RIT2: variants seen among roughly 807,000 people sequenced by gnomAD.
The protein encoded by RIT2 is Ras like without CAAX 2, also known as GTP-binding protein Rit2.
In RIT2, 24 loss-of-function variants were observed where a neutral mutation model predicts 23.7. The ratio of observed to expected loss-of-function variants is 1.01; its 90% CI spans 0.73 to 1.43. The LOEUF (loss-of-function observed/expected upper bound fraction) is 1.43, where lower values mean the gene tolerates loss of function less well. RIT2 is among the 40% of genes most tolerant of loss of function. The pLI, the probability that RIT2 is intolerant of heterozygous loss-of-function variation, is 0.00. For synonymous variants in RIT2, 107 were observed against 91.1 expected (o/e 1.17, Z -0.99); for missense variants, 236 against 266.9 (o/e 0.88, Z 0.81).
intron 1 of RIT2, among the ~76,000 whole-genome samples, chr18:43,108,673 A>G (rs777339885): frequency 2.0e-5 from 3 of 152,192 alleles, no homozygotes; most frequent in South Asian, 4.1e-4. Context: ...GATGTTGTCA[A>G]TCAAAGCCTT....
intron 3 of RIT2, among the ~76,000 whole-genome samples, chr18:42,953,233 T>A (rs916521444): frequency 2.0e-5 from 3 of 152,176 alleles, no homozygotes. Context: ...TATGCTGACA[T>A]TCTGCCATGT....
At chr18:42,824,828 A>G (rs1177279198) in intron 4 of RIT2, among the ~76,000 whole-genome samples, 1 of 151,654 alleles carries the variant, frequency 6.6e-6, no homozygotes, top group African/African-American at 2.4e-5. Context: ...AATTTTGATA[A>G]TGAAGAAAAA....
At chr18:42,922,745 T>G (rs1038801972) in intron 4 of RIT2, among the ~76,000 whole-genome samples, 3 of 152,134 alleles carry the variant, frequency 2.0e-5, no homozygotes, top group Non-Finnish European at 4.4e-5. Flanking sequence ...TGGATCCCAG[T>G]CTAAGCTAGC....
intron 3 of RIT2, among the ~76,000 whole-genome samples, chr18:42,943,695 T>C (rs1287228343): frequency 6.6e-6 from 1 of 152,152 alleles, no homozygotes; most frequent in Non-Finnish European, 1.5e-5. Flanking sequence ...AAGTTAATTC[T>C]TGTTTGTATA....
intron 4 of RIT2, among the ~76,000 whole-genome samples, chr18:42,833,764 C>G (rs1426474420): frequency 1.3e-5 from 2 of 151,860 alleles, no homozygotes; most frequent in African/African-American, 4.8e-5. Context: ...TATAATATAA[C>G]AAGTATTTAT....
chr18:42,881,975 T>C (rs1018477166), intron 4 of RIT2, among the ~76,000 whole-genome samples: 1 of 152,244 alleles, frequency 6.6e-6, no homozygotes, highest in South Asian at 2.1e-4. Flanking sequence ...TAACTTTTTC[T>C]GCATGATTGT....
At chr18:42,842,527 A>G (rs1906795156) in intron 4 of RIT2, among the ~76,000 whole-genome samples, 1 of 152,158 alleles carries the variant, frequency 6.6e-6, no homozygotes, top group Non-Finnish European at 1.5e-5. Context: ...TGGGACTAGA[A>G]TTCTTATAAA....
At chr18:42,910,598 G>T (rs1568028014) in intron 4 of RIT2, among the ~76,000 whole-genome samples, 1 of 152,098 alleles carries the variant, frequency 6.6e-6, no homozygotes, top group Non-Finnish European at 1.5e-5. Context: ...TGGCAAAGCG[G>T]CAGAGCTGCA....
At chr18:43,063,339 AAT>A (rs1912695909) in intron 1 of RIT2, among the ~76,000 whole-genome samples, 1 of 152,160 alleles carries the variant, frequency 6.6e-6, no homozygotes, top group Admixed American at 6.6e-5. Context: ...TGTGTTGACC[AAT>A]ATTGACTAAC....
chr18:42,809,308 C>A (rs1368240025), intron 4 of RIT2, among the ~76,000 whole-genome samples: 2 of 152,160 alleles, frequency 1.3e-5, no homozygotes, highest in South Asian at 4.1e-4. Flanking sequence ...GATTTAAATT[C>A]AAGCTTCCTA....
intron 1 of RIT2, among the ~76,000 whole-genome samples, chr18:43,044,297 CTA>C (rs1255825153): frequency 1.3e-5 from 2 of 151,886 alleles, no homozygotes; most frequent in East Asian, 3.9e-4. Flanking sequence ...CATTTTTTTT[CTA>C]ATTAATGCAT....
intron 2 of RIT2, among the ~76,000 whole-genome samples, chr18:43,004,302 T>C (rs974316673): frequency 1.3e-5 from 2 of 151,776 alleles, no homozygotes; most frequent in African/African-American, 4.8e-5. Flanking sequence ...GGAGGCACAT[T>C]TTCAGCAGGT....
chr18:42,892,753 A>G (rs766159666), intron 4 of RIT2, among the ~76,000 whole-genome samples: 11 of 152,192 alleles, frequency 7.2e-5, no homozygotes, highest in Non-Finnish European at 1.5e-4. Context: ...AAATAGAATT[A>G]CTGAAATCCT....
intron 4 of RIT2, among the ~76,000 whole-genome samples, chr18:42,797,716 A>G (rs1905409183): frequency 6.6e-6 from 1 of 152,184 alleles, no homozygotes; most frequent in Non-Finnish European, 1.5e-5. Context: ...GCCGAGTTCG[A>G]CAATGATTAC....
chr18:42,878,880 A>G (rs73471660), intron 4 of RIT2, among the ~76,000 whole-genome samples: 3,753 of 136,678 alleles, frequency 0.027, 152 homozygotes, highest in African/African-American at 0.097. Context: ...TTTTCCTCAT[A>G]TCTTTATGGC....
intron 4 of RIT2, among the ~76,000 whole-genome samples, chr18:42,767,737 CAT>C (rs1307782137): frequency 2.0e-5 from 3 of 152,106 alleles, no homozygotes; most frequent in South Asian, 2.1e-4. Context: ...AGAATTCCCA[CAT>C]GTTTTAAGAG....
chr18:42,764,244 T>C (rs1415944827), intron 4 of RIT2, among the ~76,000 whole-genome samples: 1 of 152,214 alleles, frequency 6.6e-6, no homozygotes, highest in Non-Finnish European at 1.5e-5. Context: ...TTCTGATCAG[T>C]AAGATCAATG....
intron 4 of RIT2, among the ~76,000 whole-genome samples, chr18:42,817,451 A>G (rs1370376415): frequency 6.6e-6 from 1 of 152,182 alleles, no homozygotes; most frequent in African/African-American, 2.4e-5. Flanking sequence ...TAGGTTTGAA[A>G]TTACTTCCAT....
chr18:43,066,395 C>A (rs769869999), intron 1 of RIT2, among the ~76,000 whole-genome samples: 1 of 152,116 alleles, frequency 6.6e-6, no homozygotes, highest in Non-Finnish European at 1.5e-5. Context: ...GTCTTATAGG[C>A]AATTGCACAC....
Sources: allele counts gnomAD v4.1 joint callset (sites outside exome capture counted in the v4.1 genomes callset), GRCh38; gene constraint gnomAD v4.1.1; transcripts MANE v1.5; gene names NCBI Gene and HGNC (gene_info 2026-07-23, HGNC 2026-07-21).